Variants in SGCE observed in about 807,000 individuals in gnomAD.
SGCE encodes epsilon-sarcoglycan.
A neutral mutation model predicts 57.8 loss-of-function variants in SGCE; 26 were observed. That is an observed-to-expected ratio of 0.45 (90% confidence interval 0.33 to 0.62). The LOEUF is 0.62. SGCE is among the 20% of genes least tolerant of loss of function. SGCE has a pLI of 0.02. For missense variants in SGCE, 468 were observed against 548.6 expected, an observed-to-expected ratio of 0.85 and a Z score of 1.47; for synonymous variants, 183 against 189.5, an observed-to-expected ratio of 0.97 and a Z score of 0.28.
At chr7:94,589,112 A>C (rs1797297754) in intron 9 of SGCE, 1 of 245,724 alleles carries the variant, frequency 4.1e-6, no homozygotes, top group Admixed American at 4.9e-5. Flanking sequence ...TAACCTATAC[A>C]CTTTCAGATC....
At position 94,600,711 on chromosome 7, in the gene SGCE, G is replaced by A. The variant is rs1490533382; in HGVS notation, c.972C>T (p.Pro324=). ...YTDFLITLAV[P]SAVALVLFLI... Reference sequence around the variant, plus strand: ...GAAAAAGGACCAGTGCCACTGCCGAGGGCACAGCCAGTGTAATTAGGAAAT... The same window carrying A: ...GAAAAAGGACCAGTGCCACTGCCGAAGGCACAGCCAGTGTAATTAGGAAAT... The change falls in exon 7 of 11, where the codon CCC becomes CCT. Residue 324 remains proline, a synonymous_variant. Transcript: ENST00000648936. 3.7e-6 allele frequency: 6 copies of A among 1,613,664 alleles called. No individual in the cohort carries two copies. In the Admixed American group the frequency reaches 8.3e-5, roughly 22 times the overall value.
chr7:94,585,408 A>G lies in SGCE; in HGVS notation c.*91T>C, dbSNP rs1796761998. 4 of 1,132,030 alleles carry G rather than the reference A, an allele frequency of 3.5e-6. No homozygotes were observed. Among genetic ancestry groups the G allele is most frequent in the Middle Eastern group, 2.0e-4 (1 of 4,884 alleles). The allele number at this position is 1,132,030 out of a possible 1,614,324, so 70.1% of individuals were successfully genotyped here. On this transcript the variant is annotated 3_prime_UTR_variant, in exon 11 of 11. Coordinates refer to ENST00000648936, the MANE Select transcript of SGCE (RefSeq NM_003919.3). ...CCAACATGCATAACATATGCCAGAA[A>G]AGCTCATGCATTATTGGAAGAGAAA... is the stretch of plus-strand genomic sequence containing the variant.
intron 1 of SGCE, among the ~76,000 whole-genome samples, chr7:94,647,141 T>A (rs1185889567): frequency 6.6e-6 from 1 of 152,198 alleles, no homozygotes; most frequent in Non-Finnish European, 1.5e-5. Flanking sequence ...TGTGTCTCAA[T>A]CATAATTTAT....
chr7:94,600,540 T>C, intron 7 of SGCE, 106 bp downstream of exon 7: 1 of 786,254 alleles, frequency 1.3e-6, no homozygotes, highest in Non-Finnish European at 2.1e-6. Context: ...TTCAATTCAT[T>C]TACAAAGTGT....
rs780589840 is a variant in SGCE at position 94,623,343 on chromosome 7, T to C, written c.445A>G (p.Asn149Asp). 14 of 1,598,280 alleles carry C rather than the reference T, an allele frequency of 8.8e-6. No homozygotes were observed. The Admixed American group carries it at 2.3e-4, about 27-fold the overall frequency. ...FETARHNLII[N>D]IMSAEDFPLP... is the part of the protein sequence containing the mutation. ...TACCTACCTTCTGCAGACATTATAT[T>C]AATTATCAAATTATGCCTTGCAGTC... The change falls in exon 4 of 11, where the codon AAT (asparagine) becomes GAT (aspartate). Residue 149 changes from asparagine (N) to aspartate (D), a missense_variant. Asn to Asp is a conservative substitution (Grantham distance 23). Transcript: ENST00000648936.
chr7:94,612,591 A>G (rs992432393), intron 5 of SGCE, among the ~76,000 whole-genome samples: 24 of 152,314 alleles, frequency 1.6e-4, no homozygotes, highest in Non-Finnish European at 3.4e-4. Context: ...TTTTGAAGTT[A>G]TAAATAATAT....
At chr7:94,650,646 A>G (rs1484390560) in intron 1 of SGCE, among the ~76,000 whole-genome samples, 1 of 152,200 alleles carries the variant, frequency 6.6e-6, no homozygotes, top group Non-Finnish European at 1.5e-5. Context: ...TCTACACTAA[A>G]ATGTTATCAA....
At chr7:94,604,806 AAT>A (rs59162734) in intron 5 of SGCE, among the ~76,000 whole-genome samples, 340 of 43,886 alleles carry the variant, frequency 7.7e-3, no homozygotes, top group Middle Eastern at 0.011. Context: ...ATGGTGCTGG[AAT>A]ATATATATAT....
chr7:94,606,961 A>G (rs531091373), intron 5 of SGCE, among the ~76,000 whole-genome samples: 1 of 152,302 alleles, frequency 6.6e-6, no homozygotes, highest in Admixed American at 6.5e-5. Flanking sequence ...ATTTGGCAAA[A>G]GCAATACTTA....
chr7:94,601,062 A>G (rs1277445413), intron 6 of SGCE, among the ~76,000 whole-genome samples: 1 of 152,166 alleles, frequency 6.6e-6, no homozygotes, highest in Non-Finnish European at 1.5e-5. Flanking sequence ...ACTTTGGTCT[A>G]CTTTCTATGT....
chr7:94,609,831 A>G (rs1800727209), intron 5 of SGCE, among the ~76,000 whole-genome samples: 1 of 152,194 alleles, frequency 6.6e-6, no homozygotes, highest in African/African-American at 2.4e-5. Context: ...TACTTTTACC[A>G]TATGATCCAG....
chr7:94,599,710 T>C lies in SGCE; in HGVS notation c.1051A>G (p.Met351Val), dbSNP rs1206683317. ...GAAGACACTTACTCTGGTGTTTGCATGTTTCTCTTTTCCCTAGAAACAAAA... is the reference window on the plus strand; with the variant it reads ...GAAGACACTTACTCTGGTGTTTGCACGTTTCTCTTTTCCCTAGAAACAAAA... ...CRREGVEKRN[M>V]QTPDIQLVHH... is the part of the protein sequence containing the mutation. Residue 351 changes from methionine to valine, a missense_variant, in exon 8 of 11, where the codon ATG (methionine) becomes GTG (valine). Coordinates refer to ENST00000648936, the MANE Select transcript of SGCE (RefSeq NM_003919.3). The C allele has an allele frequency of 1.9e-6, 3 of 1,609,020 alleles. No individual in the cohort carries two copies. Among genetic ancestry groups the C allele is most frequent in the Admixed American group, 3.3e-5 (2 of 60,000 alleles).
chr7:94,605,481 A>G lies in SGCE; in HGVS notation c.663-2029T>C, dbSNP rs571255593. On this transcript the variant is annotated intron_variant, in intron 5 of 10. Transcript: ENST00000648936. Reference sequence around the variant, plus strand: ...AATGTATATATCTACATATATGTTTATATACACTTATAGATAAGCAAAATA... The same window carrying G: ...AATGTATATATCTACATATATGTTTGTATACACTTATAGATAAGCAAAATA... Among the ~76,000 whole-genome samples the G allele has an allele frequency of 7.0e-4, 106 of 152,334 alleles. 1 individual carries two copies. The highest frequency in any genetic ancestry group is 2.8e-3 in the Admixed American group (43 of 15,306).
intron 5 of SGCE, among the ~76,000 whole-genome samples, chr7:94,604,412 A>G (rs1799725384): frequency 1.3e-5 from 2 of 150,446 alleles, no homozygotes; most frequent in African/African-American, 4.9e-5. Context: ...CAGAATAGCC[A>G]TACACACACA....
At chr7:94,626,016 T>C (rs902181134) in intron 3 of SGCE, 6 of 152,098 alleles carry the variant, frequency 3.9e-5, no homozygotes, top group African/African-American at 1.2e-4. Context: ...CCACCTGCAA[T>C]GCATTTTACT....
intron 2 of SGCE, chr7:94,628,877 A>G (rs1804197668): frequency 6.3e-6 from 1 of 158,652 alleles, no homozygotes; most frequent in African/African-American, 2.4e-5. Flanking sequence ...TATTAATCAC[A>G]AGCAATAATA....
At chr7:94,654,544 A>T (rs937464471) in intron 1 of SGCE, among the ~76,000 whole-genome samples, 1 of 152,226 alleles carries the variant, frequency 6.6e-6, no homozygotes, top group Non-Finnish European at 1.5e-5. Flanking sequence ...CACTTCTAAA[A>T]AGTATAATTG....
intron 1 of SGCE, among the ~76,000 whole-genome samples, chr7:94,647,365 A>G (rs1423293249): frequency 2.6e-5 from 4 of 152,038 alleles, no homozygotes; most frequent in African/African-American, 9.7e-5. Flanking sequence ...TTTACCCCCT[A>G]AAATATCCCT....
chr7:94,606,128 C>T (rs537717667), intron 5 of SGCE, among the ~76,000 whole-genome samples: 10 of 152,244 alleles, frequency 6.6e-5, no homozygotes, highest in African/African-American at 2.4e-4. Flanking sequence ...CATGGCTGGC[C>T]TCAATAATCA....
Sources: allele counts gnomAD v4.1 joint callset (sites outside exome capture counted in the v4.1 genomes callset), GRCh38; gene constraint gnomAD v4.1.1; transcripts MANE v1.5; gene names NCBI Gene and HGNC (gene_info 2026-07-23, HGNC 2026-07-21).